The following FBXL13 variants were observed in gnomAD, a reference collection of about 807,000 sequenced individuals.
FBXL13 encodes the protein F-box and leucine-rich repeat protein 13.
In FBXL13, 67 loss-of-function variants were observed where a neutral mutation model predicts 83.6. The ratio of observed to expected loss-of-function variants is 0.80; its 90% CI spans 0.66 to 0.98. FBXL13 has a LOEUF of 0.98. FBXL13 is among the 50% of genes least tolerant of loss of function. FBXL13 has a pLI of 0.00. For synonymous variants in FBXL13, 272 were observed against 299.5 expected (o/e 0.91, Z 0.95); for missense variants, 822 against 866.5 (o/e 0.95, Z 0.64).
chr7:102,877,193 G>A (rs1334928690), intron 16 of FBXL13, among the ~76,000 whole-genome samples: 2 of 152,110 alleles, frequency 1.3e-5, no homozygotes, highest in Admixed American at 1.3e-4. Context: ...CCAAACTTCT[G>A]TAATGAAACA....
chr7:102,841,512 C>T lies in FBXL13; in HGVS notation c.1720-8538G>A, dbSNP rs548275357. Among the ~76,000 whole-genome samples the T allele has an allele frequency of 7.9e-5, 12 of 152,302 alleles. No individual in the cohort carries two copies. The South Asian group carries it at 1.7e-3, about 21-fold the overall frequency. ...AGCCAGGACTGGTGTGGGGTGTTCT[C>T]AGCTTCAGCTGTTTTTCGGCCAAGA... On this transcript the variant is annotated intron_variant, in intron 17 of 19. Transcript: ENST00000313221.
Position 102,959,819 on chromosome 7 carries a change from A to G in FBXL13, c.724+3714T>C, listed in dbSNP as rs1445490523. On this transcript the variant is annotated intron_variant, in intron 8 of 19. Coordinates refer to ENST00000313221, the Ensembl canonical transcript of FBXL13. ...AATAATCTCAATGTCCATCAAATAGAAGAAGGTTAAATAAAGTATGTTACA... is the reference window on the plus strand; with the variant it reads ...AATAATCTCAATGTCCATCAAATAGGAGAAGGTTAAATAAAGTATGTTACA... Among the ~76,000 whole-genome samples the G allele has an allele frequency of 2.6e-5, 4 of 152,128 alleles. No homozygotes were observed. The East Asian group carries it at 7.7e-4, about 29-fold the overall frequency.
intron 16 of FBXL13, among the ~76,000 whole-genome samples, chr7:102,860,050 G>A (rs1055178707): frequency 3.3e-5 from 5 of 152,154 alleles, no homozygotes; most frequent in Admixed American, 2.0e-4. Flanking sequence ...CCAGTATCAC[G>A]TTCATTGAGG....
At chr7:102,950,413 T>C (rs1347785691) in intron 8 of FBXL13, among the ~76,000 whole-genome samples, 3 of 152,228 alleles carry the variant, frequency 2.0e-5, no homozygotes, top group Non-Finnish European at 4.4e-5. Context: ...CTGATGAGAA[T>C]GCAGAATGGT....
chr7:102,963,731 A>T, intron 7 of FBXL13, 66 bp from the exon 9 acceptor site: 1 of 1,478,486 alleles, frequency 6.8e-7, no homozygotes, highest in African/African-American at 1.4e-5. Context: ...CAACAAAAAC[A>T]ATAATAGACA....
intron 8 of FBXL13, chr7:102,934,194 G>T: frequency 6.2e-7 from 1 of 1,614,184 alleles, no homozygotes; most frequent in East Asian, 2.2e-5. Context: ...AACAAGATCC[G>T]CACATTGAAG....
rs138627096 is a variant in FBXL13, at chr7:102,834,380, T to TTATA, written c.1720-1410_1720-1407dup. ...AAGATACTTCTTATTTATATATAAA[T>TTATA]TATATATATATATATTATATGCGAT... On this transcript the variant is annotated intron_variant, in intron 17 of 19. Coordinates refer to ENST00000313221, the Ensembl canonical transcript of FBXL13. 2.1e-3 allele frequency among the ~76,000 whole-genome samples: 307 copies of TTATA among 145,310 alleles called. 2 individuals are homozygous for TTATA. Among genetic ancestry groups the TTATA allele is most frequent in the African/African-American group, 7.1e-3 (284 of 39,730 alleles).
chr7:103,011,973 G>A (rs1473257544), intron 6 of FBXL13, among the ~76,000 whole-genome samples: 1 of 152,032 alleles, frequency 6.6e-6, no homozygotes, highest in Non-Finnish European at 1.5e-5. Context: ...CTTGCAGAGA[G>A]GACAACATTC....
chr7:102,981,625 G>C (rs1828239161), intron 6 of FBXL13, among the ~76,000 whole-genome samples: 1 of 152,188 alleles, frequency 6.6e-6, no homozygotes, highest in Non-Finnish European at 1.5e-5. Flanking sequence ...GGAGGCCTAA[G>C]ATAAAGTCTC....
chr7:103,066,914 C>T (rs1798453806), intron 1 of FBXL13, among the ~76,000 whole-genome samples: 1 of 151,798 alleles, frequency 6.6e-6, no homozygotes, highest in South Asian at 2.1e-4. Context: ...GCCTCAGCCA[C>T]TCGAGTAGCT....
chr7:102,990,477 G>C (rs937616205), intron 6 of FBXL13, among the ~76,000 whole-genome samples: 5 of 152,146 alleles, frequency 3.3e-5, no homozygotes, highest in African/African-American at 1.2e-4. Flanking sequence ...TTTTTCATTC[G>C]ATCATTCAAC....
At chr7:102,956,200 T>C (rs1824244381) in intron 8 of FBXL13, among the ~76,000 whole-genome samples, 2 of 152,172 alleles carry the variant, frequency 1.3e-5, no homozygotes, top group Admixed American at 1.3e-4. Flanking sequence ...CAAGTTGGCT[T>C]CATCCCTGGA....
chr7:102,878,185 A>G, intron 15 of FBXL13, 146 bp downstream of exon 16: 5 of 533,224 alleles, frequency 9.4e-6, no homozygotes, highest in Non-Finnish European at 1.2e-5. Flanking sequence ...TGTCTTTCAC[A>G]TGGTTTCACT....
intron 11 of FBXL13, among the ~76,000 whole-genome samples, chr7:102,906,244 T>A (rs1469541557): frequency 1.3e-5 from 2 of 152,206 alleles, no homozygotes; most frequent in Non-Finnish European, 2.9e-5. Flanking sequence ...CATATCACTA[T>A]GCTTTAACTT....
chr7:103,069,822 T>C (rs1010464019), intron 1 of FBXL13, among the ~76,000 whole-genome samples: 2 of 152,242 alleles, frequency 1.3e-5, no homozygotes, highest in Non-Finnish European at 2.9e-5. Flanking sequence ...CCCACGCCTG[T>C]AATCCCAGCA....
intron 10 of FBXL13, among the ~76,000 whole-genome samples, chr7:102,914,319 C>T (rs1652061520): frequency 1.3e-5 from 2 of 152,198 alleles, no homozygotes; most frequent in South Asian, 2.1e-4. Flanking sequence ...GTGATCCACC[C>T]GCCTTGGCCT....
At chr7:102,911,064 A>C (rs750100741) in intron 11 of FBXL13, among the ~76,000 whole-genome samples, 11 of 152,182 alleles carry the variant, frequency 7.2e-5, no homozygotes, top group Non-Finnish European at 1.6e-4. Context: ...CCCAGCCTAA[A>C]AGCATACAAA....
At chr7:103,043,371 C>A (rs193162931) in intron 2 of FBXL13, among the ~76,000 whole-genome samples, 2 of 151,996 alleles carry the variant, frequency 1.3e-5, no homozygotes, top group South Asian at 2.1e-4. Flanking sequence ...ACACTGTTGG[C>A]GGGAGTGTAA....
At chr7:103,055,019 A>T (rs1797202236) in intron 2 of FBXL13, 69 bp downstream of exon 3, 18 of 1,024,512 alleles carry the variant, frequency 1.8e-5, no homozygotes, top group East Asian at 1.2e-4. Flanking sequence ...CATAAATATA[A>T]AATCTACTTG....
Sources: allele counts gnomAD v4.1 joint callset (sites outside exome capture counted in the v4.1 genomes callset), GRCh38; gene constraint gnomAD v4.1.1; transcripts MANE v1.5; gene names NCBI Gene and HGNC (gene_info 2026-07-23, HGNC 2026-07-21).